The following LRRC4C variants were observed in gnomAD, a reference collection of about 807,000 sequenced individuals.
The protein encoded by LRRC4C is leucine rich repeat containing 4C.
In LRRC4C, 5 loss-of-function variants were observed where a neutral mutation model predicts 33.6. The observed-to-expected ratio is 0.15, with a 90% confidence interval of 0.08 to 0.31. The LOEUF is 0.31. Ranked by LOEUF, LRRC4C falls within the 10% of genes least tolerant of loss-of-function variation. The pLI, the probability that LRRC4C is intolerant of heterozygous loss-of-function variation, is 1.00. For synonymous variants in LRRC4C, 329 were observed against 302.0 expected (o/e 1.09, Z -0.93); for missense variants, 560 against 796.7 (o/e 0.70, Z 3.58).
chr11:40,861,848 T>TG (rs1270004309), intron 2 of LRRC4C, among the ~76,000 whole-genome samples: 1 of 152,014 alleles, frequency 6.6e-6, no homozygotes, highest in Non-Finnish European at 1.5e-5. Flanking sequence ...TGAGAGAAAG[T>TG]GGGGTGGGGA....
At chr11:40,229,542 G>T (rs1335681176) in intron 5 of LRRC4C, among the ~76,000 whole-genome samples, 1 of 151,980 alleles carries the variant, frequency 6.6e-6, no homozygotes, top group Non-Finnish European at 1.5e-5. Context: ...CAAAGGGCTG[G>T]GATTACAGGT....
chr11:40,495,429 G>T (rs931758557), intron 3 of LRRC4C, among the ~76,000 whole-genome samples: 2 of 152,134 alleles, frequency 1.3e-5, no homozygotes, highest in African/African-American at 4.8e-5. Context: ...CCTTTGAGTA[G>T]ATTAATATAC....
chr11:40,419,042 A>T (rs80198515), intron 3 of LRRC4C, among the ~76,000 whole-genome samples: 10,830 of 152,162 alleles, frequency 0.071, 538 homozygotes, highest in Non-Finnish European at 0.1. Flanking sequence ...TAACTAGGTG[A>T]TGGGTTGATA....
intron 1 of LRRC4C, among the ~76,000 whole-genome samples, chr11:40,956,731 C>T (rs562790055): frequency 1.3e-5 from 2 of 151,796 alleles, no homozygotes; most frequent in African/African-American, 4.8e-5. Flanking sequence ...ATTCTTATAA[C>T]AAGTTATTTT....
At chr11:40,958,371 T>C (rs763583103) in intron 1 of LRRC4C, among the ~76,000 whole-genome samples, 1 of 151,792 alleles carries the variant, frequency 6.6e-6, no homozygotes, top group Non-Finnish European at 1.5e-5. Context: ...AAATTATATG[T>C]GTTTAGAAGA....
intron 1 of LRRC4C, among the ~76,000 whole-genome samples, chr11:41,117,120 C>T (rs1423975891): frequency 4.6e-5 from 7 of 152,086 alleles, no homozygotes; most frequent in Admixed American, 1.3e-4. Flanking sequence ...CAGGGACTCC[C>T]GTTACTTTAG....
intron 1 of LRRC4C, among the ~76,000 whole-genome samples, chr11:41,041,304 T>G (rs558194934): frequency 5.7e-4 from 87 of 152,224 alleles, no homozygotes; most frequent in African/African-American, 1.9e-3. Flanking sequence ...TGTAAAGATA[T>G]CTTCTCAGAA....
rs1948112327 is a variant in LRRC4C at position 40,364,379 on chromosome 11, G to T, written c.-269-44658C>A. Among the ~76,000 whole-genome samples, 3 of 152,048 alleles carry T rather than the reference G, an allele frequency of 2.0e-5. No homozygotes were observed. In the South Asian group the frequency reaches 6.2e-4, roughly 32 times the overall value. On this transcript the variant is annotated intron_variant, in intron 3 of 6. Coordinates refer to ENST00000528697, the MANE Select transcript of LRRC4C (RefSeq NM_001258419.2). ...GAAAAGCATAAACATGTTAAAAGAT[G>T]CAGAAGATAAAAAAATGACCCAAAT...
At chr11:40,335,372 T>G (rs1484871810) in intron 3 of LRRC4C, among the ~76,000 whole-genome samples, 1 of 152,218 alleles carries the variant, frequency 6.6e-6, no homozygotes, top group Non-Finnish European at 1.5e-5. Flanking sequence ...ACCTAAGTCC[T>G]CTCTTATTGA....
intron 1 of LRRC4C, among the ~76,000 whole-genome samples, chr11:41,448,120 C>CTTTTTTTTTTTTTTTTTTTTT (rs1211366298): frequency 8.4e-5 from 2 of 23,856 alleles, no homozygotes; most frequent in African/African-American, 2.2e-4. Flanking sequence ...CTGCACACGT[C>CTTTTTTTTTTTTTTTTTTTTT]TGTTTTTTTT....
At chr11:41,041,895 A>G (rs1422618766) in intron 1 of LRRC4C, among the ~76,000 whole-genome samples, 1 of 152,176 alleles carries the variant, frequency 6.6e-6, no homozygotes, top group Non-Finnish European at 1.5e-5. Context: ...ACTTAAGTAT[A>G]TGTACACTTT....
intron 1 of LRRC4C, among the ~76,000 whole-genome samples, chr11:41,096,190 G>T (rs1590555966): frequency 1.3e-5 from 2 of 152,144 alleles, no homozygotes; most frequent in East Asian, 3.9e-4. Context: ...TATTTACAAA[G>T]CACAGAATTA....
chr11:41,287,203 A>ATAT (rs1360845694), intron 1 of LRRC4C, among the ~76,000 whole-genome samples: 1 of 152,226 alleles, frequency 6.6e-6, no homozygotes, highest in Admixed American at 6.5e-5. Flanking sequence ...AGATCTGGTT[A>ATAT]TATTTCACTA....
intron 1 of LRRC4C, among the ~76,000 whole-genome samples, chr11:41,404,218 T>TA (rs1954131964): frequency 6.6e-6 from 1 of 152,092 alleles, no homozygotes; most frequent in Non-Finnish European, 1.5e-5. Context: ...CATCCCATAA[T>TA]CTGCCCTTTC....
chr11:40,454,650 C>G (rs1952050284), intron 3 of LRRC4C, among the ~76,000 whole-genome samples: 1 of 152,130 alleles, frequency 6.6e-6, no homozygotes, highest in Non-Finnish European at 1.5e-5. Flanking sequence ...GTGGTAAACA[C>G]AGCTATGTTA....
At chr11:40,835,861 A>G (rs536676565) in intron 2 of LRRC4C, among the ~76,000 whole-genome samples, 2 of 152,304 alleles carry the variant, frequency 1.3e-5, no homozygotes, top group South Asian at 4.1e-4. Context: ...TAAAAATACA[A>G]TGTCAATTAA....
At chr11:40,162,597 G>A (rs1859249511) in intron 5 of LRRC4C, among the ~76,000 whole-genome samples, 1 of 152,164 alleles carries the variant, frequency 6.6e-6, no homozygotes, top group Non-Finnish European at 1.5e-5. Flanking sequence ...GGTACATAAA[G>A]AAATCTGCAA....
chr11:40,697,827 C>T (rs551227138), intron 2 of LRRC4C, among the ~76,000 whole-genome samples: 6 of 151,958 alleles, frequency 3.9e-5, no homozygotes, highest in Non-Finnish European at 7.4e-5. Flanking sequence ...CCCAGCACTT[C>T]GAGAGGCCAA....
chr11:41,202,084 T>C (rs530858543), intron 1 of LRRC4C, among the ~76,000 whole-genome samples: 5 of 152,258 alleles, frequency 3.3e-5, no homozygotes, highest in Admixed American at 2.0e-4. Context: ...CCAGAACTTA[T>C]TGATGTCCTC....
Sources: allele counts gnomAD v4.1 joint callset (sites outside exome capture counted in the v4.1 genomes callset), GRCh38; gene constraint gnomAD v4.1.1; transcripts MANE v1.5; gene names NCBI Gene and HGNC (gene_info 2026-07-23, HGNC 2026-07-21).